GALNT14: variants seen among roughly 807,000 people sequenced by gnomAD.
GALNT14 encodes UDP-GalNAc:polypeptide N-acetylgalactosaminyltransferase 14.
GALNT14 carries 60 observed loss-of-function variants against 77.5 expected under a neutral mutation model. That is an observed-to-expected ratio of 0.77 (90% CI 0.63 to 0.96). The LOEUF (loss-of-function observed/expected upper bound fraction) is 0.96, where lower values mean the gene tolerates loss of function less well. GALNT14 is among the 40% of genes least tolerant of loss of function. The pLI is 0.00. For synonymous variants in GALNT14, 280 were observed against 281.7 expected (o/e 0.99, Z 0.06); for missense variants, 710 against 731.0 (o/e 0.97, Z 0.33).
At chr2:30,993,409 C>T (rs1669837088) in intron 1 of GALNT14, among the ~76,000 whole-genome samples, 1 of 152,212 alleles carries the variant, frequency 6.6e-6, no homozygotes, top group Non-Finnish European at 1.5e-5. Context: ...GTATCCCAAC[C>T]CCAGAGGCCA....
At chr2:31,129,307 G>T in intron 1 of GALNT14, 1 of 853,126 alleles carries the variant, frequency 1.2e-6, no homozygotes, top group African/African-American at 1.8e-5. Flanking sequence ...ATCAAATGAG[G>T]CAACTGTGGA....
the GALNT14 span, among the ~76,000 whole-genome samples, chr2:30,902,858 ATTTAC>A: frequency 6.6e-6 from 1 of 152,112 alleles, no homozygotes; most frequent in Non-Finnish European, 1.5e-5. Context: ...GCTCTCTTAT[ATTTAC>A]TTTAGTGCAG....
At chr2:31,078,444 T>G (rs1386163557) in intron 1 of GALNT14, among the ~76,000 whole-genome samples, 2 of 152,176 alleles carry the variant, frequency 1.3e-5, no homozygotes, top group African/African-American at 4.8e-5. Context: ...TATTATTGTT[T>G]TAAAGGCTAC....
chr2:30,931,894 G>A (rs529668503), intron 10 of GALNT14, among the ~76,000 whole-genome samples, 174 bp downstream of exon 10: 1 of 152,066 alleles, frequency 6.6e-6, no homozygotes, highest in Non-Finnish European at 1.5e-5. Flanking sequence ...GATGTGACAG[G>A]CCTGCCTTCC....
At chr2:30,953,310 T>A (rs1387002326) in intron 6 of GALNT14, among the ~76,000 whole-genome samples, 1 of 147,256 alleles carries the variant, frequency 6.8e-6, no homozygotes, top group African/African-American at 2.5e-5. Flanking sequence ...CCTTCCTTTT[T>A]TTTTTTTTTT....
chr2:31,007,602 G>C (rs146688225), intron 1 of GALNT14, among the ~76,000 whole-genome samples: 3 of 152,102 alleles, frequency 2.0e-5, no homozygotes, highest in Non-Finnish European at 2.9e-5. Flanking sequence ...CCTTCTTTTC[G>C]CTTTTTCAGA....
intron 1 of GALNT14, among the ~76,000 whole-genome samples, chr2:31,042,384 A>G (rs2148502085): frequency 6.6e-6 from 1 of 152,364 alleles, no homozygotes; most frequent in East Asian, 1.9e-4. Context: ...GTGCTATGAA[A>G]GAAATGATGA....
chr2:30,925,217 C>T (rs933072068), intron 11 of GALNT14, among the ~76,000 whole-genome samples: 1 of 152,210 alleles, frequency 6.6e-6, no homozygotes, highest in African/African-American at 2.4e-5. Context: ...AAACACCACT[C>T]CCCGCTGCCC....
At chr2:31,127,506 T>C (rs540015402) in intron 1 of GALNT14, among the ~76,000 whole-genome samples, 21 of 152,264 alleles carry the variant, frequency 1.4e-4, no homozygotes, top group Admixed American at 5.2e-4. Context: ...AACTGCAGAG[T>C]TGAATAGTCA....
Position 30,955,905 on chromosome 2 carries a change from G to C in GALNT14, c.532+7C>G. The C allele has an allele frequency of 6.2e-7, 1 of 1,613,810 alleles. No individual in the cohort carries two copies. Among genetic ancestry groups the C allele is most frequent in the South Asian group, 1.1e-5 (1 of 91,042 alleles). On this transcript the variant is annotated splice_region_variant and intron_variant, in intron 5 of 14. Coordinates refer to ENST00000349752, the MANE Select transcript of GALNT14 (RefSeq NM_024572.4). ...CTGGAGGCTCCCGCACAACAGCTCAGACCTACCTTGCCGTTCATTATTGCG... is the reference window on the plus strand; with the variant it reads ...CTGGAGGCTCCCGCACAACAGCTCACACCTACCTTGCCGTTCATTATTGCG...
At chr2:31,106,608 T>C (rs753547899) in intron 1 of GALNT14, among the ~76,000 whole-genome samples, 1 of 152,238 alleles carries the variant, frequency 6.6e-6, no homozygotes, top group Non-Finnish European at 1.5e-5. Context: ...CCCAAGCATT[T>C]ACCTCTGCAA....
intron 1 of GALNT14, among the ~76,000 whole-genome samples, chr2:31,118,450 T>G (rs1678226233): frequency 6.6e-6 from 1 of 152,108 alleles, no homozygotes; most frequent in Admixed American, 6.6e-5. Context: ...AATGCAAGGA[T>G]GATTCAAAAC....
intron 14 of GALNT14, 73 bp downstream of exon 14, chr2:30,912,150 C>A: frequency 1.3e-6 from 2 of 1,562,600 alleles, no homozygotes; most frequent in South Asian, 2.3e-5. Flanking sequence ...TTTTCCTGCT[C>A]ATCAGACTAA....
At chr2:31,092,991 C>T (rs1676827526) in intron 1 of GALNT14, among the ~76,000 whole-genome samples, 1 of 152,156 alleles carries the variant, frequency 6.6e-6, no homozygotes, top group Non-Finnish European at 1.5e-5. Flanking sequence ...TATGTTTGTA[C>T]AATATGATTC....
In GALNT14 at chr2:31,045,059, C is replaced by A. The variant is rs117130033; in HGVS notation, c.130-52052G>T. Among the ~76,000 whole-genome samples, 42 of 152,214 alleles carry A rather than the reference C, an allele frequency of 2.8e-4. No homozygotes were observed. The East Asian group carries it at 7.9e-3, about 29-fold the overall frequency. ...GGAGGCAGAGGTCAGATGTCAGGAT[C>A]CATGTGTATAAGGGGTACAGAAGAA... On this transcript the variant is annotated intron_variant, in intron 1 of 14. Coordinates refer to ENST00000349752, the MANE Select transcript of GALNT14 (RefSeq NM_024572.4).
chr2:31,093,097 G>T (rs1217304150), intron 1 of GALNT14, among the ~76,000 whole-genome samples: 1 of 152,174 alleles, frequency 6.6e-6, no homozygotes, highest in Non-Finnish European at 1.5e-5. Context: ...GGGTGAGAAT[G>T]AGAGAGAGGA....
chr2:31,122,696 C>T (rs1444105885), intron 1 of GALNT14, among the ~76,000 whole-genome samples: 1 of 152,128 alleles, frequency 6.6e-6, no homozygotes, highest in African/African-American at 2.4e-5. Context: ...TTTTTCTATA[C>T]ATTTTCTATA....
Position 31,138,131 on chromosome 2 carries a change from C to G in GALNT14, c.-45G>C. On this transcript the variant is annotated 5_prime_UTR_variant, in exon 1 of 15. Transcript: ENST00000349752. ...TCTCCGCGGCGCTACGTCCCGGGGG[C>G]ACCCCCCGGCGGTCAGGGTTGGCGG... The G allele has an allele frequency of 6.2e-7, 1 of 1,611,952 alleles. No homozygotes were observed. The highest frequency in any genetic ancestry group is 8.5e-7 in the Non-Finnish European group (1 of 1,178,820).
Position 31,063,365 on chromosome 2 carries a change from G to A in GALNT14, c.130-70358C>T, listed in dbSNP as rs182528165. Among the ~76,000 whole-genome samples the A allele has an allele frequency of 2.4e-3, 366 of 152,254 alleles. 1 individual carries two copies. Among genetic ancestry groups the A allele is most frequent in the African/African-American group, 8.4e-3 (348 of 41,544 alleles). On this transcript the variant is annotated intron_variant, in intron 1 of 14. Transcript: ENST00000349752. ...TGTCAGGTTTGTCAAACATCAGATG[G>A]TTGTGGATGTGTGGTGTTATTTACG...
Sources: gnomAD v4.1 joint callset for allele counts (sites outside exome capture counted in the v4.1 genomes callset) on GRCh38, gnomAD v4.1.1 for gene constraint, MANE v1.5 for transcripts, NCBI Gene and HGNC (gene_info 2026-07-23, HGNC 2026-07-21) for gene names.